The following NUP155 variants were observed in gnomAD, a reference collection of about 807,000 sequenced individuals.
NUP155 encodes the protein nuclear pore complex protein Nup155.
In NUP155, 71 loss-of-function variants were observed where a neutral mutation model predicts 180.4. The ratio of observed to expected loss-of-function variants is 0.39; its 90% CI spans 0.33 to 0.48. NUP155 has a LOEUF of 0.48. Ranked by LOEUF, NUP155 falls within the 20% of genes least tolerant of loss-of-function variation. NUP155 has a pLI of 0.91. For missense variants in NUP155, 1,553 were observed against 1,648.9 expected, an observed-to-expected ratio of 0.94 and a Z score of 1.01; for synonymous variants, 582 against 559.5, an observed-to-expected ratio of 1.04 and a Z score of -0.57.
chr5:37,298,893 A>G lies in NUP155; in HGVS notation c.3768T>C (p.Ala1256=), dbSNP rs1031927669. 26 of 1,608,906 alleles carry G rather than the reference A, an allele frequency of 1.6e-5. No homozygotes were observed. Among genetic ancestry groups the G allele is most frequent in the Non-Finnish European group, 2.1e-5 (25 of 1,175,364 alleles). Reference sequence around the variant, plus strand: ...CTAAAGGAAAGAAGCGTGGTGTGCCAGCATAAATTTTGCCAAGGAGAACAA... The same window carrying G: ...CTAAAGGAAAGAAGCGTGGTGTGCCGGCATAAATTTTGCCAAGGAGAACAA... ...LKIVLLGKIY[A]GTPRFFPLDF... Residue 1256 remains alanine, a synonymous_variant, in exon 32 of 35, where the codon GCT becomes GCC. Transcript: ENST00000231498.
rs549303979 is a variant in NUP155 at position 37,312,208 on chromosome 5, G to A, written c.2437-1465C>T. Among the ~76,000 whole-genome samples the A allele has an allele frequency of 2.7e-4, 41 of 152,190 alleles. 1 individual carries two copies. The South Asian group carries it at 8.1e-3, about 30-fold the overall frequency. ...TTAGTATAACTAAAAGAAGGACAAC[G>A]AAACCTTTTGTATCTTCTAACAGTC... is the stretch of plus-strand genomic sequence containing the variant. On this transcript the variant is annotated intron_variant, in intron 22 of 34. Transcript: ENST00000231498.
chr5:37,364,222 A>G, intron 2 of NUP155, 25 bp downstream of exon 2: 1 of 1,571,150 alleles, frequency 6.4e-7, no homozygotes, highest in Non-Finnish European at 8.7e-7. Context: ...AACATTTTTA[A>G]AATAAATACA....
chr5:37,342,096 T>C (rs957145459), intron 10 of NUP155, among the ~76,000 whole-genome samples: 1 of 152,192 alleles, frequency 6.6e-6, no homozygotes, highest in Non-Finnish European at 1.5e-5. Context: ...TGAAGTGTAG[T>C]AGCATAATCT....
Position 37,326,215 on chromosome 5 carries a change from C to T in NUP155, c.2025-248G>A, listed in dbSNP as rs1467228143. Reference sequence around the variant, plus strand: ...AAGGCTCTGTATAATAAATTGTAAACAGGAAATTTATAAAGGGGCTCTGTA... The same window carrying T: ...AAGGCTCTGTATAATAAATTGTAAATAGGAAATTTATAAAGGGGCTCTGTA... On this transcript the variant is annotated intron_variant, in intron 18 of 34. Coordinates refer to ENST00000231498, the MANE Select transcript of NUP155 (RefSeq NM_153485.3). Among the ~76,000 whole-genome samples, 4 of 151,982 alleles carry T rather than the reference C, an allele frequency of 2.6e-5. No homozygotes were observed. In the East Asian group the frequency reaches 7.7e-4, roughly 29 times the overall value.
rs1742112501 is a variant in NUP155, at chr5:37,288,606, T to C, written c.*3294A>G. The stretch of plus-strand genomic sequence containing the variant: ...CATTGCCTACATATAATAGTCACTA[T>C]AAAGAAATAATGGACAGGCATGGTG... On this transcript the variant is annotated 3_prime_UTR_variant, in exon 35 of 35. Coordinates refer to ENST00000231498, the MANE Select transcript of NUP155 (RefSeq NM_153485.3). 6.6e-6 allele frequency: 1 copy of C among 151,982 alleles called. No homozygotes were observed. Among genetic ancestry groups the C allele is most frequent in the Admixed American group, 6.6e-5 (1 of 15,214 alleles). The allele number at this position is 151,982 out of a possible 1,614,324, so 9.4% of individuals were successfully genotyped here. A position where few individuals can be genotyped will look rare whatever the true frequency, so the allele number is the denominator to read the frequency against.
chr5:37,340,044 C>A (rs375687225), intron 11 of NUP155, among the ~76,000 whole-genome samples: 1 of 152,164 alleles, frequency 6.6e-6, no homozygotes, highest in Non-Finnish European at 1.5e-5. Context: ...CAGGCGTGAG[C>A]CACTGCACCC....
intron 24 of NUP155, among the ~76,000 whole-genome samples, chr5:37,308,190 T>C (rs1378710440): frequency 1.3e-5 from 2 of 152,080 alleles, no homozygotes; most frequent in South Asian, 2.1e-4. Flanking sequence ...AAAATAAATG[T>C]AATCCAGAAA....
At chr5:37,329,116 T>A (rs965560712) in intron 16 of NUP155, 74 bp downstream of exon 16, 1 of 1,016,126 alleles carries the variant, frequency 9.8e-7, no homozygotes, top group Admixed American at 1.8e-5. Flanking sequence ...AAAAGGCTTA[T>A]TGATAAAAAT....
At chr5:37,333,257 T>A (rs914629246) in intron 13 of NUP155, among the ~76,000 whole-genome samples, 4 of 151,840 alleles carry the variant, frequency 2.6e-5, no homozygotes, top group Middle Eastern at 3.4e-3. Context: ...CAGGAGGCTG[T>A]GGCAGGAGAA....
intron 1 of NUP155, among the ~76,000 whole-genome samples, chr5:37,370,136 C>T (rs1017481441): frequency 2.6e-5 from 4 of 152,148 alleles, no homozygotes; most frequent in African/African-American, 4.8e-5. Flanking sequence ...TTTGGGAGGC[C>T]GAGGCGGGCG....
At chr5:37,309,289 A>T (rs1561773905) in intron 23 of NUP155, 22 bp from the exon 24 acceptor site, 1 of 1,601,508 alleles carries the variant, frequency 6.2e-7, no homozygotes, top group African/African-American at 1.3e-5. Flanking sequence ...GATAACAAGA[A>T]CTTAAAAATA....
intron 1 of NUP155, among the ~76,000 whole-genome samples, chr5:37,367,319 A>G (rs1454876442): frequency 6.7e-6 from 1 of 150,280 alleles, no homozygotes; most frequent in Non-Finnish European, 1.5e-5. Context: ...GGTTCAAGAG[A>G]TTCTCCTGCC....
chr5:37,303,765 T>C (rs898556608), intron 27 of NUP155, among the ~76,000 whole-genome samples: 1 of 141,284 alleles, frequency 7.1e-6, no homozygotes, highest in Non-Finnish European at 1.5e-5. Context: ...GGGCAATATA[T>C]GGCAAAACCT....
intron 32 of NUP155, 107 bp downstream of exon 32, chr5:37,298,761 T>C (rs1742713144): frequency 1.4e-6 from 1 of 725,606 alleles, no homozygotes; most frequent in Non-Finnish European, 2.5e-6. Context: ...CTGAACTAAA[T>C]AGCAAAGAAA....
chr5:37,341,317 C>T (rs1745705201), intron 10 of NUP155, 75 bp from the exon 11 acceptor site: 2 of 1,228,920 alleles, frequency 1.6e-6, no homozygotes, highest in East Asian at 4.7e-5. Flanking sequence ...GAAGCAATTA[C>T]ATACAGCAAT....
chr5:37,289,387 A>C lies in NUP155; in HGVS notation c.*2513T>G, dbSNP rs536160151. The C allele has an allele frequency of 6.6e-5, 10 of 151,848 alleles. No individual in the cohort carries two copies. The highest frequency in any genetic ancestry group is 1.5e-5 in the Non-Finnish European group (1 of 67,896). 9.4% of individuals were successfully genotyped at this position (151,848 alleles called of 1,614,324 possible). On this transcript the variant is annotated 3_prime_UTR_variant, in exon 35 of 35. Coordinates refer to ENST00000231498, the MANE Select transcript of NUP155 (RefSeq NM_153485.3). Reference sequence around the variant, plus strand: ...AATACAGTGGATAAATGCTACTCCAACTCTGATCCACTGACTGCCAGGATC... The same window carrying C: ...AATACAGTGGATAAATGCTACTCCACCTCTGATCCACTGACTGCCAGGATC...
Position 37,324,097 on chromosome 5 carries a change from C to G in NUP155, c.2102G>C (p.Ser701Thr), listed in dbSNP as rs1355876253. ...GNREITAIESSVPCQLLESVL... is the reference protein window; with the variant it reads ...GNREITAIESTVPCQLLESVL... ...TGACTCTAGCAGTTGGCAGGGAACA[C>G]TACTTTCAATCTGTAAAAATGAAAG... The change falls in exon 20 of 35, where the codon AGT becomes ACT. Residue 701 changes from serine to threonine, a missense_variant. By Grantham distance (58) the Ser-to-Thr change is moderately conservative. Coordinates refer to ENST00000231498, the MANE Select transcript of NUP155 (RefSeq NM_153485.3). The G allele has an allele frequency of 6.2e-7, 1 of 1,609,770 alleles. No individual in the cohort carries two copies. Among genetic ancestry groups the G allele is most frequent in the South Asian group, 1.1e-5 (1 of 90,984 alleles).
intron 20 of NUP155, among the ~76,000 whole-genome samples, chr5:37,322,178 A>C (rs1744287805): frequency 6.6e-6 from 1 of 151,976 alleles, no homozygotes; most frequent in South Asian, 2.1e-4. Flanking sequence ...TGTAGTGACA[A>C]GGTCTCCTAT....
At chr5:37,328,314 A>G (rs1358139733) in intron 17 of NUP155, 44 bp downstream of exon 17, 2 of 1,324,618 alleles carry the variant, frequency 1.5e-6, no homozygotes, top group Middle Eastern at 1.8e-4. Flanking sequence ...TCATAATGTT[A>G]GCACTTCAAA....
Sources: allele counts gnomAD v4.1 joint callset (sites outside exome capture counted in the v4.1 genomes callset), GRCh38; gene constraint gnomAD v4.1.1; transcripts MANE v1.5; gene names NCBI Gene and HGNC (gene_info 2026-07-23, HGNC 2026-07-21).